FXYD2: variants seen among roughly 807,000 people sequenced by gnomAD.
FXYD2 encodes FXYD domain containing ion transport regulator 2.
FXYD2 carries 8 observed loss-of-function variants against 11.8 expected under a neutral mutation model. That is an observed-to-expected ratio of 0.68 (90% CI 0.40 to 1.22). The LOEUF (loss-of-function observed/expected upper bound fraction) is 1.22. Ranked by LOEUF, FXYD2 falls within the 50% of genes most tolerant of loss-of-function variation. FXYD2 has a pLI of 0.01. For missense variants in FXYD2, 92 were observed against 91.8 expected, an observed-to-expected ratio of 1.00 and a Z score of -0.01; for synonymous variants, 42 against 33.3, an observed-to-expected ratio of 1.26 and a Z score of -0.90.
At chr11:117,825,105 G>A (rs1450112029), upstream of FXYD2, among the ~76,000 whole-genome samples, 1 of 152,194 alleles carries the variant, frequency 6.6e-6, no homozygotes, top group East Asian at 1.9e-4. Context: ...AGCCCAGGCA[G>A]GGCCCACCGC....
chr11:117,827,183 G>C (rs1379081861), upstream of FXYD2, among the ~76,000 whole-genome samples: 5 of 152,158 alleles, frequency 3.3e-5, no homozygotes, highest in South Asian at 6.2e-4. Context: ...GAAGCAATAG[G>C]GAAAGCTAGT....
chr11:117,822,107 CG>C lies in FXYD2; in HGVS notation c.139+298del. ...ATGAGTTTGGGACCATGGTTAGCAG[CG>C]GGGGGCCTAGTCCCCCTGTCTGGCC... On this transcript the variant is annotated intron_variant, in intron 3 of 5. Coordinates refer to ENST00000292079, the MANE Select transcript of FXYD2 (RefSeq NM_001680.5). This position sits in a 1 kb window ranked among gnomAD's most constrained non-coding sequence, Gnocchi z 4.7. 7.4e-7 allele frequency: 1 copy of C among 1,347,496 alleles called. No individual in the cohort carries two copies. The highest frequency in any genetic ancestry group is 3.1e-5 in the East Asian group (1 of 32,314). The allele number at this position is 1,347,496 out of a possible 1,614,324, so 83.5% of individuals were successfully genotyped here.
chr11:117,822,258 C>G lies in FXYD2; in HGVS notation c.139+148G>C. On this transcript the variant is annotated intron_variant, in intron 3 of 5. Transcript: ENST00000292079. The surrounding 1 kb of genome is among the most constrained non-coding windows in gnomAD (Gnocchi z 4.7). ...GCTCCCAGCGAGCCTGGCACCCCACCGGGCACCCATTCCCACATCCTGCAG... is the reference window on the plus strand; with the variant it reads ...GCTCCCAGCGAGCCTGGCACCCCACGGGGCACCCATTCCCACATCCTGCAG... 1.3e-6 allele frequency: 2 copies of G among 1,523,754 alleles called. No homozygotes were observed. Among genetic ancestry groups the G allele is most frequent in the East Asian group, 2.5e-5 (1 of 40,506 alleles). The allele number at this position is 1,523,754 out of a possible 1,614,324, so 94.4% of individuals were successfully genotyped here.
intron 3 of FXYD2, chr11:117,821,512 A>C: frequency 2.0e-6 from 2 of 986,110 alleles, no homozygotes; most frequent in Non-Finnish European, 2.4e-6. Flanking sequence ...CCCCCAGCAC[A>C]GCTGCCCGAT....
At position 117,822,363 on chromosome 11, in the gene FXYD2, G is replaced by T. The variant is rs1430718732; in HGVS notation, c.139+43C>A. The T allele has an allele frequency of 6.4e-7, 1 of 1,550,888 alleles. No individual in the cohort carries two copies. Among genetic ancestry groups the T allele is most frequent in the Non-Finnish European group, 8.7e-7 (1 of 1,147,072 alleles). ...CTGCTCAGCGGCCTTGAGAAGAGAG[G>T]TGCCCTGGTCAGCACCCCTTCCCTG... On this transcript the variant is annotated intron_variant, in intron 3 of 5. Coordinates refer to ENST00000292079, the MANE Select transcript of FXYD2 (RefSeq NM_001680.5). This position sits in a 1 kb window ranked among gnomAD's most constrained non-coding sequence, Gnocchi z 4.7.
Position 117,824,737 on chromosome 11 carries a change from G to C in FXYD2, c.-59C>G. The C allele has an allele frequency of 6.2e-7, 1 of 1,607,378 alleles. No individual in the cohort carries two copies. The highest frequency in any genetic ancestry group is 1.7e-5 in the Admixed American group (1 of 59,346). ...CTTCCTGCTGTCTCTGCTTTTTGGA[G>C]AGTGTCTGGCTGCCTCCACGGGGTG... On this transcript the variant is annotated 5_prime_UTR_variant, in exon 1 of 6. Coordinates refer to ENST00000292079, the MANE Select transcript of FXYD2 (RefSeq NM_001680.5). The surrounding 1 kb of genome is among the most constrained non-coding windows in gnomAD (Gnocchi z 4.0).
Position 117,822,259 on chromosome 11 carries a change from G to T in FXYD2, c.139+147C>A. 1 of 1,524,340 alleles carries T rather than the reference G, an allele frequency of 6.6e-7. No homozygotes were observed. The highest frequency in any genetic ancestry group is 1.2e-5 in the South Asian group (1 of 82,402). 94.4% of individuals were successfully genotyped at this position (1,524,340 alleles called of 1,614,324 possible). A position where few individuals can be genotyped will look rare whatever the true frequency, so the allele number is the denominator to read the frequency against. Reference sequence around the variant, plus strand: ...CTCCCAGCGAGCCTGGCACCCCACCGGGCACCCATTCCCACATCCTGCAGT... The same window carrying T: ...CTCCCAGCGAGCCTGGCACCCCACCTGGCACCCATTCCCACATCCTGCAGT... On this transcript the variant is annotated intron_variant, in intron 3 of 5. Coordinates refer to ENST00000292079, the MANE Select transcript of FXYD2 (RefSeq NM_001680.5). This position sits in a 1 kb window ranked among gnomAD's most constrained non-coding sequence, Gnocchi z 4.7.
Position 117,820,269 on chromosome 11 carries a change from A to C in FXYD2, c.*110T>G. Reference sequence around the variant, plus strand: ...TCCTTCAGCCCAAGCGCTGGCAGTGACGGGGACAAAGGTCTAAAGCCCAGG... The same window carrying C: ...TCCTTCAGCCCAAGCGCTGGCAGTGCCGGGGACAAAGGTCTAAAGCCCAGG... On this transcript the variant is annotated 3_prime_UTR_variant, in exon 6 of 6. Coordinates refer to ENST00000292079, the MANE Select transcript of FXYD2 (RefSeq NM_001680.5). The C allele has an allele frequency of 4.5e-6, 1 of 223,382 alleles. No individual in the cohort carries two copies. The allele number at this position is 223,382 out of a possible 1,614,324, so 13.8% of individuals were successfully genotyped here. A position where few individuals can be genotyped will look rare whatever the true frequency, so the allele number is the denominator to read the frequency against.
intron 3 of FXYD2, 131 bp from the exon 4 acceptor site, chr11:117,821,026 C>G: frequency 9.2e-7 from 1 of 1,087,032 alleles, no homozygotes; most frequent in South Asian, 1.4e-5. Flanking sequence ...TTGGAGGCCA[C>G]GTTTGACTGT....
At chr11:117,821,499 G>A in intron 3 of FXYD2, 11 of 986,260 alleles carry the variant, frequency 1.1e-5, no homozygotes, top group Non-Finnish European at 1.3e-5. Context: ...GGCCATCATG[G>A]TGCCCCCAGC....
At chr11:117,821,349 C>A (rs2055898501) in intron 3 of FXYD2, 1 of 989,234 alleles carries the variant, frequency 1.0e-6, no homozygotes, top group Admixed American at 5.9e-5. Context: ...GCATGAGCCA[C>A]CACGCCCAGC....
chr11:117,824,604 A>C lies in FXYD2; in HGVS notation c.25+50T>G, dbSNP rs1262340958. On this transcript the variant is annotated intron_variant, in intron 1 of 5. Coordinates refer to ENST00000292079, the MANE Select transcript of FXYD2 (RefSeq NM_001680.5). This position sits in a 1 kb window ranked among gnomAD's most constrained non-coding sequence, Gnocchi z 4.0. Reference sequence around the variant, plus strand: ...CTGACCCCACAAAGGCAGGCCAATCAGAGCCACCCAGCATTGCACACGCCC... The same window carrying C: ...CTGACCCCACAAAGGCAGGCCAATCCGAGCCACCCAGCATTGCACACGCCC... The C allele has an allele frequency of 6.7e-7, 1 of 1,499,022 alleles. No homozygotes were observed. The highest frequency in any genetic ancestry group is 1.1e-5 in the South Asian group (1 of 88,646). The allele number at this position is 1,499,022 out of a possible 1,614,324, so 92.9% of individuals were successfully genotyped here.
At chr11:117,827,821 G>C (rs1437257933), upstream of FXYD2, among the ~76,000 whole-genome samples, 1 of 152,202 alleles carries the variant, frequency 6.6e-6, no homozygotes, top group African/African-American at 2.4e-5. Flanking sequence ...CTGCACACAC[G>C]TTACAGCAGG....
chr11:117,824,842 G>A (rs1441601565), upstream of FXYD2: 3 of 871,506 alleles, frequency 3.4e-6, no homozygotes, highest in Admixed American at 6.0e-5. This position sits in a 1 kb window ranked among gnomAD's most constrained non-coding sequence, Gnocchi z 4.0. Context: ...CTGCAGTGTG[G>A]ATGGAGGGGC....
intron 1 of FXYD2, among the ~76,000 whole-genome samples, chr11:117,823,222 T>A (rs920195019): frequency 2.0e-5 from 3 of 152,218 alleles, no homozygotes; most frequent in Non-Finnish European, 4.4e-5. Flanking sequence ...AGACCTCCTT[T>A]CCTGCGTTAC....
Position 117,820,640 on chromosome 11 carries a change from A to C in FXYD2, c.*6+26T>G, listed in dbSNP as rs202175753. On this transcript the variant is annotated intron_variant, in intron 5 of 5. Transcript: ENST00000292079. ...CCCAAGCCTGCCCTGCCCTCCCCGC[A>C]CCTTCCCCAGGCCCTCCTAGCATAC... 1.2e-3 allele frequency: 1,930 copies of C among 1,613,254 alleles called. 6 individuals are homozygous for C. The highest frequency in any genetic ancestry group is 2.0e-3 in the South Asian group (181 of 91,048).
upstream of FXYD2, chr11:117,828,052 C>T (rs746372986): frequency 6.5e-7 from 1 of 1,550,212 alleles, no homozygotes; most frequent in Non-Finnish European, 8.7e-7. Flanking sequence ...TGCAGGAGAG[C>T]AGGGAGGTGC....
chr11:117,827,659 C>T (rs564571019), upstream of FXYD2, among the ~76,000 whole-genome samples: 1 of 152,278 alleles, frequency 6.6e-6, no homozygotes, highest in Non-Finnish European at 1.5e-5. Flanking sequence ...AAATAACTTG[C>T]CAGAGGTCAG....
upstream of FXYD2, among the ~76,000 whole-genome samples, chr11:117,826,942 G>A (rs1250612752): frequency 6.6e-6 from 1 of 152,002 alleles, no homozygotes; most frequent in Admixed American, 6.6e-5. Flanking sequence ...GGATGAGGTG[G>A]GGGCATTAAA....
Sources: allele counts gnomAD v4.1 joint callset (sites outside exome capture counted in the v4.1 genomes callset), GRCh38; gene constraint gnomAD v4.1.1; non-coding constraint Gnocchi (gnomAD v3.1); transcripts MANE v1.5; gene names NCBI Gene and HGNC (gene_info 2026-07-23, HGNC 2026-07-21).